The following STAG1 variants were observed in gnomAD, a reference collection of about 807,000 sequenced individuals.
The protein encoded by STAG1 is STAG1 cohesin complex component.
In STAG1, 26 loss-of-function variants were observed where a neutral mutation model predicts 170.9. That is an observed-to-expected ratio of 0.15 (90% CI 0.11 to 0.21). The LOEUF is 0.21. Ranked by LOEUF, STAG1 falls within the 10% of genes least tolerant of loss-of-function variation. The pLI is 1.00. For missense variants in STAG1, 964 were observed against 1,509.5 expected (o/e 0.64, Z 5.99); for synonymous variants, 514 against 497.7 (o/e 1.03, Z -0.44).
At chr3:136,618,321 G>A (rs960593266) in intron 3 of STAG1, among the ~76,000 whole-genome samples, 5 of 152,184 alleles carry the variant, frequency 3.3e-5, no homozygotes, top group South Asian at 2.1e-4. Context: ...AGCAGCAGGC[G>A]CCACATGCGT....
intron 1 of STAG1, among the ~76,000 whole-genome samples, chr3:136,672,289 A>G (rs931387345): frequency 8.5e-5 from 13 of 152,260 alleles, no homozygotes; most frequent in South Asian, 2.1e-4. Flanking sequence ...CATTTTCAAT[A>G]GATGTGTATG....
chr3:136,635,486 T>C (rs1002994968), intron 1 of STAG1, among the ~76,000 whole-genome samples: 2 of 152,092 alleles, frequency 1.3e-5, no homozygotes, highest in African/African-American at 4.8e-5. Context: ...ATAAAGAGTA[T>C]CTCCAAACGC....
rs370161598 is a variant in STAG1, at chr3:136,527,135, G to A, written c.472-5718C>T. On this transcript the variant is annotated intron_variant, in intron 6 of 33. Coordinates refer to ENST00000383202, the MANE Select transcript of STAG1 (RefSeq NM_005862.3). ...TCTGTATTTCCTGAATTTGAATGTTGGCCTGCCTTGCTAGGTTGGGGAAGT... is the reference window on the plus strand; with the variant it reads ...TCTGTATTTCCTGAATTTGAATGTTAGCCTGCCTTGCTAGGTTGGGGAAGT... Among the ~76,000 whole-genome samples the A allele has an allele frequency of 1.6e-4, 24 of 152,184 alleles. No individual in the cohort carries two copies. The East Asian group carries it at 3.7e-3, about 23-fold the overall frequency.
intron 14 of STAG1, among the ~76,000 whole-genome samples, chr3:136,445,277 G>A (rs1017657642): frequency 1.3e-5 from 2 of 151,910 alleles, no homozygotes; most frequent in South Asian, 2.1e-4. Context: ...TTCCTAATTC[G>A]CATATTCTGA....
chr3:136,601,106 C>A (rs1399283403), intron 4 of STAG1, among the ~76,000 whole-genome samples: 1 of 152,054 alleles, frequency 6.6e-6, no homozygotes, highest in Non-Finnish European at 1.5e-5. Flanking sequence ...ACTGATCCAC[C>A]CGCCTCAGCC....
intron 2 of STAG1, among the ~76,000 whole-genome samples, chr3:136,624,099 A>G (rs1939982389): frequency 6.6e-6 from 1 of 151,614 alleles, no homozygotes; most frequent in East Asian, 1.9e-4. Context: ...CAACTCTTAT[A>G]TTGGAATCTT....
intron 1 of STAG1, among the ~76,000 whole-genome samples, chr3:136,729,292 C>G (rs757103303): frequency 3.3e-5 from 5 of 152,120 alleles, no homozygotes; most frequent in Non-Finnish European, 5.9e-5. Flanking sequence ...AAGAGTGAGC[C>G]ACCACGCTCA....
chr3:136,454,688 T>A (rs533303827), intron 13 of STAG1, among the ~76,000 whole-genome samples: 2 of 152,204 alleles, frequency 1.3e-5, no homozygotes, highest in Non-Finnish European at 2.9e-5. Flanking sequence ...TTTGTGCCAA[T>A]TTAAATAATT....
chr3:136,550,154 G>T (rs1936324133), intron 5 of STAG1, among the ~76,000 whole-genome samples: 1 of 151,972 alleles, frequency 6.6e-6, no homozygotes, highest in African/African-American at 2.4e-5. Context: ...CACATAAAAT[G>T]GGTTTACAAG....
At chr3:136,505,935 T>C (rs73863625) in intron 7 of STAG1, among the ~76,000 whole-genome samples, 13,550 of 152,152 alleles carry the variant, frequency 0.089, 1,988 homozygotes, top group African/African-American at 0.31. Context: ...CAGAGTATAG[T>C]ATTTAGTCTG....
At chr3:136,618,501 T>C (rs1939695833) in intron 3 of STAG1, among the ~76,000 whole-genome samples, 1 of 152,192 alleles carries the variant, frequency 6.6e-6, no homozygotes, top group Non-Finnish European at 1.5e-5. Flanking sequence ...TACAACATTA[T>C]TTACCTCTCC....
intron 1 of STAG1, among the ~76,000 whole-genome samples, chr3:136,750,946 A>G (rs910632440): frequency 2.0e-5 from 3 of 152,262 alleles, no homozygotes; most frequent in Non-Finnish European, 4.4e-5. Context: ...GTGCTTCACC[A>G]TCGGAATGTG....
chr3:136,397,687 G>A (rs1328137117), intron 22 of STAG1, among the ~76,000 whole-genome samples: 8 of 152,100 alleles, frequency 5.3e-5, no homozygotes, highest in Admixed American at 3.3e-4. Flanking sequence ...TCTGGGAGAT[G>A]TGGCCACCTA....
chr3:136,357,609 A>T (rs1280584582), intron 28 of STAG1, 111 bp downstream of exon 28: 1 of 800,216 alleles, frequency 1.2e-6, no homozygotes, highest in East Asian at 2.9e-5. Flanking sequence ...AAACTATCAG[A>T]GCCTAAATTA....
At chr3:136,437,207 T>C (rs1032979912) in intron 15 of STAG1, among the ~76,000 whole-genome samples, 2 of 152,246 alleles carry the variant, frequency 1.3e-5, no homozygotes, top group African/African-American at 2.4e-5. Context: ...TTCACAGTAG[T>C]GTTGAAGCTT....
intron 5 of STAG1, among the ~76,000 whole-genome samples, chr3:136,550,893 T>C (rs1026008064): frequency 9.2e-5 from 14 of 152,194 alleles, no homozygotes; most frequent in African/African-American, 3.1e-4. Context: ...ACAGGGTTTA[T>C]GGATTTTTGG....
At chr3:136,617,566 TCCTAGCTTAGTCCTCATAAAA>T (rs1467423693) in intron 3 of STAG1, among the ~76,000 whole-genome samples, 8 of 152,204 alleles carry the variant, frequency 5.3e-5, no homozygotes, top group African/African-American at 1.7e-4. Context: ...ATTGACTTAG[TCCTAGCTTAGTCCTCATAAAA>T]CCTGGTAACA....
intron 21 of STAG1, among the ~76,000 whole-genome samples, chr3:136,407,857 C>T (rs1324324093): frequency 6.6e-6 from 1 of 150,456 alleles, no homozygotes; most frequent in African/African-American, 2.4e-5. Context: ...GATCACGCCA[C>T]TGCACTCCAG....
intron 13 of STAG1, among the ~76,000 whole-genome samples, chr3:136,463,281 T>C (rs1397886956): frequency 6.6e-6 from 1 of 152,166 alleles, no homozygotes; most frequent in Admixed American, 6.6e-5. Flanking sequence ...AAATAACTTT[T>C]CTCACTTTGA....
Sources: allele counts gnomAD v4.1 joint callset (sites outside exome capture counted in the v4.1 genomes callset), GRCh38; gene constraint gnomAD v4.1.1; transcripts MANE v1.5; gene names NCBI Gene and HGNC (gene_info 2026-07-23, HGNC 2026-07-21).